Variants in SPIDR observed in about 807,000 individuals in gnomAD.
The protein encoded by SPIDR is scaffold protein involved in DNA repair.
In SPIDR, 93 loss-of-function variants were observed where a neutral mutation model predicts 104.6. The observed-to-expected ratio is 0.89, with a 90% CI of 0.75 to 1.06. The LOEUF (loss-of-function observed/expected upper bound fraction) is 1.06, where lower values mean the gene tolerates loss of function less well. Among genes scored for constraint, SPIDR ranks in the 50% least tolerant of loss-of-function variants. SPIDR has a pLI of 0.00. For synonymous variants in SPIDR, 431 were observed against 416.9 expected (o/e 1.03, Z -0.41); for missense variants, 1,154 against 1,111.2 (o/e 1.04, Z -0.55).
At chr8:47,624,292 C>T (rs1396904483) in intron 10 of SPIDR, among the ~76,000 whole-genome samples, 1 of 152,158 alleles carries the variant, frequency 6.6e-6, no homozygotes, top group East Asian at 1.9e-4. Flanking sequence ...CAGGAAAGAT[C>T]TAAAATTGAC....
intron 8 of SPIDR, among the ~76,000 whole-genome samples, chr8:47,441,428 A>G (rs376220025): frequency 1.3e-5 from 2 of 151,820 alleles, no homozygotes; most frequent in African/African-American, 4.8e-5. Context: ...CTTGAATTTC[A>G]TTTTATGTCC....
chr8:47,422,122 A>C (rs563139440), intron 7 of SPIDR, among the ~76,000 whole-genome samples: 1 of 151,796 alleles, frequency 6.6e-6, no homozygotes, highest in African/African-American at 2.4e-5. Flanking sequence ...GAGAACCACT[A>C]CTCTCTTCAA....
intron 8 of SPIDR, among the ~76,000 whole-genome samples, chr8:47,477,896 G>A (rs1475289481): frequency 6.6e-6 from 1 of 152,152 alleles, no homozygotes; most frequent in Non-Finnish European, 1.5e-5. Context: ...CCCTAGGGGA[G>A]GCACCCCCAG....
At chr8:47,664,131 C>A (rs972456353) in intron 10 of SPIDR, among the ~76,000 whole-genome samples, 1 of 152,144 alleles carries the variant, frequency 6.6e-6, no homozygotes, top group Non-Finnish European at 1.5e-5. Flanking sequence ...AGATGGTCCC[C>A]TCTTCCCCCA....
chr8:47,516,096 A>C (rs1012682088), intron 8 of SPIDR, among the ~76,000 whole-genome samples: 1 of 152,224 alleles, frequency 6.6e-6, no homozygotes, highest in Non-Finnish European at 1.5e-5. Context: ...GGCGTGAGCC[A>C]CTGCGCCCGG....
At chr8:47,534,946 C>T (rs900162021) in intron 8 of SPIDR, among the ~76,000 whole-genome samples, 2 of 152,004 alleles carry the variant, frequency 1.3e-5, no homozygotes, top group African/African-American at 4.8e-5. Context: ...CTAATATCCA[C>T]AGTGAAAGAG....
intron 8 of SPIDR, among the ~76,000 whole-genome samples, chr8:47,472,094 CAG>C (rs1283183777): frequency 6.6e-6 from 1 of 152,204 alleles, no homozygotes; most frequent in Non-Finnish European, 1.5e-5. Context: ...CAGTAACCCT[CAG>C]AGTTTTTCTG....
At chr8:47,402,258 A>T (rs1483530220) in intron 6 of SPIDR, among the ~76,000 whole-genome samples, 2 of 152,210 alleles carry the variant, frequency 1.3e-5, no homozygotes, top group Non-Finnish European at 1.5e-5. Flanking sequence ...AGCAGGAAAG[A>T]TCTAAAATTA....
At chr8:47,583,456 C>T (rs1161983605) in intron 8 of SPIDR, among the ~76,000 whole-genome samples, 1 of 152,110 alleles carries the variant, frequency 6.6e-6, no homozygotes, top group African/African-American at 2.4e-5. Flanking sequence ...GCTAAACATG[C>T]TGAATGTTCA....
At chr8:47,479,005 G>T (rs966729085) in intron 8 of SPIDR, among the ~76,000 whole-genome samples, 1 of 151,930 alleles carries the variant, frequency 6.6e-6, no homozygotes, top group African/African-American at 2.4e-5. Context: ...CTTTGTTTTG[G>T]TTAGGAAGGT....
intron 11 of SPIDR, among the ~76,000 whole-genome samples, chr8:47,690,594 AC>A (rs1234717097): frequency 2.0e-5 from 3 of 152,064 alleles, no homozygotes; most frequent in Non-Finnish European, 4.4e-5. Flanking sequence ...TGAGGTGGGC[AC>A]ATCACTTGAG....
chr8:47,359,299 GT>G (rs2055246728), intron 5 of SPIDR, among the ~76,000 whole-genome samples: 1 of 150,386 alleles, frequency 6.6e-6, no homozygotes, highest in Non-Finnish European at 1.5e-5. Context: ...GTATAGTGTT[GT>G]TTTATAATAT....
At chr8:47,400,677 CTTT>C (rs35140121) in intron 6 of SPIDR, among the ~76,000 whole-genome samples, 9 of 139,482 alleles carry the variant, frequency 6.5e-5, no homozygotes, top group Admixed American at 7.1e-5. Flanking sequence ...TTCTTTCTTT[CTTT>C]TTTTTTTTTT....
intron 5 of SPIDR, among the ~76,000 whole-genome samples, chr8:47,349,210 G>A (rs1218158801): frequency 2.6e-5 from 4 of 152,200 alleles, no homozygotes; most frequent in African/African-American, 9.7e-5. Flanking sequence ...AGGACCCTCA[G>A]CTGCAGGTCT....
chr8:47,545,465 A>T (rs1465423093), intron 8 of SPIDR, among the ~76,000 whole-genome samples: 3 of 151,820 alleles, frequency 2.0e-5, no homozygotes, highest in Non-Finnish European at 4.4e-5. Context: ...AATATAATTG[A>T]TTTTTGTGTG....
chr8:47,439,374 A>T (rs1425443802), intron 7 of SPIDR, among the ~76,000 whole-genome samples: 1 of 152,212 alleles, frequency 6.6e-6, no homozygotes, highest in Non-Finnish European at 1.5e-5. Context: ...TATAGGTGTC[A>T]TACTCTGTAT....
At position 47,649,892 on chromosome 8, in the gene SPIDR, T is replaced by G. The variant is rs557467974; in HGVS notation, c.1545-23909T>G. On this transcript the variant is annotated intron_variant, in intron 10 of 19. Coordinates refer to ENST00000297423, the MANE Select transcript of SPIDR (RefSeq NM_001080394.4). ...ATTTTAATAGATGCAGAAAAAGCAT[T>G]CAATAAAATCCAGCATCCCTTTATG... 9.9e-5 allele frequency among the ~76,000 whole-genome samples: 15 copies of G among 152,266 alleles called. 1 individual carries two copies. The highest frequency in any genetic ancestry group is 2.1e-4 in the Non-Finnish European group (14 of 68,016).
At chr8:47,527,007 C>T (rs1006212514) in intron 8 of SPIDR, among the ~76,000 whole-genome samples, 3 of 152,034 alleles carry the variant, frequency 2.0e-5, no homozygotes, top group African/African-American at 7.2e-5. Flanking sequence ...GCCAGAGGCT[C>T]GGTGTGGACA....
intron 5 of SPIDR, among the ~76,000 whole-genome samples, chr8:47,315,551 TTA>T (rs2045169100): frequency 6.6e-6 from 1 of 152,148 alleles, no homozygotes; most frequent in Non-Finnish European, 1.5e-5. Context: ...ATTATAACGT[TTA>T]TATGAAGATA....
Sources: gnomAD v4.1 joint callset for allele counts (sites outside exome capture counted in the v4.1 genomes callset) on GRCh38, gnomAD v4.1.1 for gene constraint, MANE v1.5 for transcripts, NCBI Gene and HGNC (gene_info 2026-07-23, HGNC 2026-07-21) for gene names.